STMND1: variants seen among roughly 807,000 people sequenced by gnomAD.
The protein encoded by STMND1 is stathmin domain containing 1.
A neutral mutation model predicts 23.0 loss-of-function variants in STMND1; 17 were observed. The observed-to-expected ratio is 0.74, with a 90% CI of 0.51 to 1.11. The LOEUF is 1.11. Ranked by LOEUF, STMND1 falls within the 50% of genes least tolerant of loss-of-function variation. STMND1 has a pLI of 0.00. For missense variants in STMND1, 305 were observed against 329.1 expected, an observed-to-expected ratio of 0.93 and a Z score of 0.57; for synonymous variants, 114 against 119.9, an observed-to-expected ratio of 0.95 and a Z score of 0.32.
intron 3 of STMND1, among the ~76,000 whole-genome samples, chr6:17,127,714 T>C (rs1162651307): frequency 2.0e-5 from 3 of 152,186 alleles, no homozygotes; most frequent in Non-Finnish European, 4.4e-5. Flanking sequence ...GAAACAGTCT[T>C]TTAGAAATTA....
At chr6:17,116,659 C>T (rs1230894248) in intron 2 of STMND1, among the ~76,000 whole-genome samples, 5 of 152,012 alleles carry the variant, frequency 3.3e-5, no homozygotes, top group South Asian at 2.1e-4. Context: ...AGGCCGGTCT[C>T]GAACTCCTGA....
chr6:17,129,161 A>T lies in STMND1; in HGVS notation c.461A>T (p.Lys154Ile), dbSNP rs1301168675. Residue 154 changes from lysine (K) to isoleucine (I), a missense_variant, in exon 4 of 5, where the codon AAA (lysine) becomes ATA (isoleucine). Transcript: ENST00000536551. The stretch of plus-strand genomic sequence containing the variant: ...AGAAAGCCACCTTCCAGACTGAAAA[A>T]ACTCAAGATCAAAAAGCAAGTGAAG... ...PLRKPPSRLK[K>I]LKIKKQVKDF... 4 of 1,535,892 alleles carry T rather than the reference A, an allele frequency of 2.6e-6. No homozygotes were observed. Among genetic ancestry groups the T allele is most frequent in the Non-Finnish European group, 3.5e-6 (4 of 1,146,836 alleles).
chr6:17,105,246 G>A (rs1221032127), intron 1 of STMND1, among the ~76,000 whole-genome samples: 1 of 152,210 alleles, frequency 6.6e-6, no homozygotes, highest in Admixed American at 6.5e-5. Flanking sequence ...TACTTATTTT[G>A]TAGAGTTGTT....
chr6:17,122,758 G>T (rs1013890927), intron 3 of STMND1, among the ~76,000 whole-genome samples: 4 of 151,936 alleles, frequency 2.6e-5, no homozygotes, highest in African/African-American at 9.7e-5. Flanking sequence ...AGGTAAAAAT[G>T]GATTATATAA....
intron 1 of STMND1, among the ~76,000 whole-genome samples, chr6:17,108,383 G>A (rs554142082): frequency 6.6e-4 from 101 of 152,172 alleles, no homozygotes; most frequent in Admixed American, 5.4e-3. Context: ...TGTTACTATC[G>A]TTAAATCATT....
At position 17,102,282 on chromosome 6, in the gene STMND1, G is replaced by T; in HGVS notation, c.25G>T (p.Ala9Ser). 1 of 1,536,060 alleles carries T rather than the reference G, an allele frequency of 6.5e-7. No individual in the cohort carries two copies. Among genetic ancestry groups the T allele is most frequent in the Non-Finnish European group, 8.7e-7 (1 of 1,146,870 alleles). ...CATGGGCTGTGGACCTTCCCAACCT[G>T]CTGAAGACCGGAGACGTGTACGCGC... The part of the protein sequence containing the change: MGCGPSQP[A>S]EDRRRVRAPK... The change falls in exon 1 of 5, where the codon GCT becomes TCT. Residue 9 changes from alanine to serine, a missense_variant. Ala to Ser is a moderately conservative substitution (Grantham distance 99). Transcript: ENST00000536551.
At chr6:17,125,127 G>A (rs1409638416) in intron 3 of STMND1, among the ~76,000 whole-genome samples, 4 of 146,666 alleles carry the variant, frequency 2.7e-5, no homozygotes, top group Admixed American at 6.9e-5. Flanking sequence ...GACCAGCCTG[G>A]GCAACATGGT....
Position 17,120,979 on chromosome 6 carries a change from C to T in STMND1, c.411+221C>T, listed in dbSNP as rs565283094. 5.3e-5 allele frequency among the ~76,000 whole-genome samples: 8 copies of T among 152,304 alleles called. No homozygotes were observed. In the South Asian group the frequency reaches 1.7e-3, roughly 32 times the overall value. On this transcript the variant is annotated intron_variant, in intron 3 of 4. Coordinates refer to ENST00000536551, the MANE Select transcript of STMND1 (RefSeq NM_001190766.2). Reference sequence around the variant, plus strand: ...AAATCTCACCTTGAATTGTAATCCTCAGGTGTCAAGGGCGGGACCAGGTGG... The same window carrying T: ...AAATCTCACCTTGAATTGTAATCCTTAGGTGTCAAGGGCGGGACCAGGTGG...
chr6:17,105,143 A>C (rs528962039), intron 1 of STMND1, among the ~76,000 whole-genome samples: 1 of 152,334 alleles, frequency 6.6e-6, no homozygotes, highest in Non-Finnish European at 1.5e-5. Flanking sequence ...TGCAAATACT[A>C]CACCATTTTC....
At chr6:17,113,042 G>T (rs1426445984) in intron 1 of STMND1, among the ~76,000 whole-genome samples, 1 of 152,128 alleles carries the variant, frequency 6.6e-6, no homozygotes, top group Non-Finnish European at 1.5e-5. Flanking sequence ...ACATCTTCTT[G>T]TGTGCTTATT....
intron 1 of STMND1, among the ~76,000 whole-genome samples, chr6:17,102,660 G>A (rs1333053669): frequency 1.3e-5 from 2 of 152,214 alleles, no homozygotes; most frequent in Non-Finnish European, 2.9e-5. Context: ...CACAGGCAAG[G>A]AATAACCGGA....
chr6:17,105,321 C>T (rs955033268), intron 1 of STMND1, among the ~76,000 whole-genome samples: 2 of 152,164 alleles, frequency 1.3e-5, no homozygotes, highest in Non-Finnish European at 2.9e-5. Context: ...AGAATAAGTG[C>T]ATGATGTAAA....
chr6:17,112,783 A>C (rs1219023638), intron 1 of STMND1, among the ~76,000 whole-genome samples: 1 of 152,208 alleles, frequency 6.6e-6, no homozygotes, highest in African/African-American at 2.4e-5. Flanking sequence ...TCTCAAAAAA[A>C]AAAGAGAAAA....
intron 3 of STMND1, among the ~76,000 whole-genome samples, chr6:17,126,182 T>G (rs539819821): frequency 1.6e-4 from 24 of 148,378 alleles, no homozygotes; most frequent in African/African-American, 5.5e-4. Context: ...CCTCCCAAAG[T>G]GCTGGGATTA....
intron 1 of STMND1, among the ~76,000 whole-genome samples, chr6:17,112,551 GTGGA>G (rs999069283): frequency 6.6e-6 from 1 of 152,132 alleles, no homozygotes; most frequent in African/African-American, 2.4e-5. Flanking sequence ...GCCGAGGCGG[GTGGA>G]TCACAAGGTC....
chr6:17,120,708 A>T lies in STMND1; in HGVS notation c.361A>T (p.Ile121Leu). The T allele has an allele frequency of 1.3e-6, 2 of 1,535,356 alleles. No homozygotes were observed. The highest frequency in any genetic ancestry group is 2.4e-5 in the East Asian group (1 of 40,900). The change falls in exon 3 of 5, where the codon ATA becomes TTA. Residue 121 changes from isoleucine (I) to leucine (L), a missense_variant. By Grantham distance (5) the Ile-to-Leu change is conservative. Coordinates refer to ENST00000536551, the MANE Select transcript of STMND1 (RefSeq NM_001190766.2). ...GGAGGAACTAATTGTTCAAGGAATTATACAAAGCCACAGCAAAGTATTTAG... is the reference window on the plus strand; with the variant it reads ...GGAGGAACTAATTGTTCAAGGAATTTTACAAAGCCACAGCAAAGTATTTAG... Reference protein sequence around the residue: ...ILEELIVQGIIQSHSKVFRNG... With the variant: ...ILEELIVQGILQSHSKVFRNG...
chr6:17,112,070 T>G (rs546666060), intron 1 of STMND1, among the ~76,000 whole-genome samples: 3 of 152,216 alleles, frequency 2.0e-5, no homozygotes, highest in Non-Finnish European at 4.4e-5. Flanking sequence ...AATGTACAAT[T>G]GACAGCCATT....
At chr6:17,102,405 A>G in intron 1 of STMND1, 67 bp downstream of exon 1, 2 of 1,522,100 alleles carry the variant, frequency 1.3e-6, no homozygotes, top group Non-Finnish European at 8.8e-7. Flanking sequence ...AGGTCTCGCG[A>G]TTCCCACGCT....
chr6:17,116,037 A>AT (rs1055304900), intron 2 of STMND1, among the ~76,000 whole-genome samples: 1 of 151,984 alleles, frequency 6.6e-6, no homozygotes, highest in Admixed American at 6.6e-5. Context: ...TGACAAATAC[A>AT]TTTTTTTTCT....
Sources: gnomAD v4.1 joint callset for allele counts (sites outside exome capture counted in the v4.1 genomes callset) on GRCh38, gnomAD v4.1.1 for gene constraint, MANE v1.5 for transcripts, NCBI Gene and HGNC (gene_info 2026-07-23, HGNC 2026-07-21) for gene names.